The following E2F8 variants were observed in gnomAD, a reference collection of about 807,000 sequenced individuals.
E2F8 encodes E2F transcription factor 8.
Under a neutral mutation model 80.8 loss-of-function variants are expected in E2F8, and 35 were observed. The ratio of observed to expected loss-of-function variants is 0.43; its 90% CI spans 0.33 to 0.57. The LOEUF is 0.57. Ranked by LOEUF, E2F8 falls within the 20% of genes least tolerant of loss-of-function variation. The pLI, the probability that E2F8 is intolerant of heterozygous loss-of-function variation, is 0.04. For synonymous variants in E2F8, 386 were observed against 395.0 expected (o/e 0.98, Z 0.27); for missense variants, 975 against 1,056.2 (o/e 0.92, Z 1.07).
chr11:19,224,674 G>T lies in E2F8; in HGVS notation c.2588C>A (p.Thr863Lys). 6.2e-7 allele frequency: 1 copy of T among 1,614,172 alleles called. No homozygotes were observed. Among genetic ancestry groups the T allele is most frequent in the Non-Finnish European group, 8.5e-7 (1 of 1,180,018 alleles). Residue 863 changes from threonine (T) to lysine (K), a missense_variant, in exon 13 of 13, where the codon ACA becomes AAA. By Grantham distance (78) the Thr-to-Lys change is moderately conservative. Transcript: ENST00000250024. Reference protein sequence around the residue: ...FVPQRKLEVSTEDVH With the variant: ...FVPQRKLEVSKEDVH ...ATCTGTTGATTAATGGACATCCTCT[G>T]TTGAGACTTCCAGTTTTCGCTGTGG...
At position 19,224,763 on chromosome 11, in the gene E2F8, T is replaced by C. The variant is rs940607456; in HGVS notation, c.2499A>G (p.Pro833=). ...FFRTPGGPTK[P]TSSSCMDFEG... ...CAAAATCCATGCAGGATGAGCTGGTTGGCTTGGTGGGTCCACCTGGGGTAC... is the reference window on the plus strand; with the variant it reads ...CAAAATCCATGCAGGATGAGCTGGTCGGCTTGGTGGGTCCACCTGGGGTAC... The change falls in exon 13 of 13, where the codon CCA becomes CCG. Residue 833 remains proline, a synonymous_variant. Coordinates refer to ENST00000250024, the MANE Select transcript of E2F8 (RefSeq NM_024680.4). The C allele has an allele frequency of 9.3e-6, 15 of 1,614,088 alleles. No individual in the cohort carries two copies. The highest frequency in any genetic ancestry group is 1.3e-5 in the Non-Finnish European group (15 of 1,180,042).
At chr11:19,238,763 A>T (rs1851588263) in intron 2 of E2F8, among the ~76,000 whole-genome samples, 1 of 152,240 alleles carries the variant, frequency 6.6e-6, no homozygotes, top group Non-Finnish European at 1.5e-5. Flanking sequence ...TGCTCTTTGA[A>T]CATCCACTCC....
In E2F8 at chr11:19,234,850, A is replaced by G. The variant is rs769421793; in HGVS notation, c.660T>C (p.Phe220=). Residue 220 remains phenylalanine (F), a synonymous_variant, in exon 5 of 13, where the codon TTT becomes TTC. Coordinates refer to ENST00000250024, the MANE Select transcript of E2F8 (RefSeq NM_024680.4). The part of the protein sequence containing the change: ...KKKEYEQEFD[F]IKSYSIEDHI... ...GATCCTCTATACTGTAACTCTTAAT[A>G]AAGTCAAACTCTTGCTCATATTCTT... The G allele has an allele frequency of 1.2e-6, 2 of 1,614,226 alleles. No individual in the cohort carries two copies. Among genetic ancestry groups the G allele is most frequent in the Non-Finnish European group, 1.7e-6 (2 of 1,180,048 alleles).
chr11:19,240,309 G>C, intron 1 of E2F8, 79 bp from the exon 2 acceptor site: 1 of 375,580 alleles, frequency 2.7e-6, no homozygotes, highest in African/African-American at 2.1e-5. Context: ...TCACGGACAA[G>C]AGGCTACGGA....
intron 2 of E2F8, 81 bp downstream of exon 2, chr11:19,240,026 G>C: frequency 8.4e-7 from 1 of 1,192,502 alleles, no homozygotes; most frequent in Non-Finnish European, 1.1e-6. Flanking sequence ...AAAACACATT[G>C]GATAGGGAAA....
intron 6 of E2F8, among the ~76,000 whole-genome samples, chr11:19,233,857 G>A (rs142577138): frequency 1.3e-5 from 2 of 151,672 alleles, no homozygotes; most frequent in African/African-American, 4.8e-5. Context: ...AGTGATACTT[G>A]GCCAGGCGCA....
At chr11:19,240,407 G>A in intron 1 of E2F8, 141 bp downstream of exon 1, 1 of 233,894 alleles carries the variant, frequency 4.3e-6, no homozygotes. Context: ...GCCAACAAAT[G>A]CCAGTAAATT....
intron 7 of E2F8, among the ~76,000 whole-genome samples, chr11:19,231,245 A>G (rs1303204349): frequency 4.6e-5 from 7 of 152,180 alleles, no homozygotes; most frequent in Non-Finnish European, 1.5e-5. Flanking sequence ...TCTGACCCAC[A>G]CAGACATTAA....
chr11:19,225,900 A>G, intron 10 of E2F8, 36 bp from the exon 11 acceptor site: 1 of 1,593,756 alleles, frequency 6.3e-7, no homozygotes, highest in East Asian at 2.2e-5. Flanking sequence ...TTTTACACAC[A>G]AATACAGGAA....
chr11:19,236,346 A>AT (rs1191743252), intron 4 of E2F8, among the ~76,000 whole-genome samples: 2 of 151,930 alleles, frequency 1.3e-5, no homozygotes, highest in African/African-American at 4.8e-5. Flanking sequence ...TCTACAATTT[A>AT]TTTTTTCCAC....
At position 19,224,259 on chromosome 11, in the gene E2F8, T is replaced by G. The variant is rs1344523126; in HGVS notation, c.*399A>C. On this transcript the variant is annotated 3_prime_UTR_variant, in exon 13 of 13. Transcript: ENST00000250024. Reference sequence around the variant, plus strand: ...ACATTATACATCACACAGCATTTTCTTTGTGCAAAATGTTTAAGGGAATGC... The same window carrying G: ...ACATTATACATCACACAGCATTTTCGTTGTGCAAAATGTTTAAGGGAATGC... 1 of 155,722 alleles carries G rather than the reference T, an allele frequency of 6.4e-6. No homozygotes were observed. Among genetic ancestry groups the G allele is most frequent in the African/African-American group, 2.4e-5 (1 of 41,562 alleles). The allele number at this position is 155,722 out of a possible 1,614,324, so 9.6% of individuals were successfully genotyped here.
rs200475963 is a variant in E2F8 at position 19,224,493 on chromosome 11, G to GTA, written c.*164_*165insTA. On this transcript the variant is annotated 3_prime_UTR_variant, in exon 13 of 13. Transcript: ENST00000250024. ...TATGTGTGTGTGTGTGTGTGTGTGT[G>GTA]TGTGTATATATATATATGTATGAAA... The GTA allele has an allele frequency of 1.3e-3, 664 of 502,258 alleles. 1 individual carries two copies. Among genetic ancestry groups the GTA allele is most frequent in the Non-Finnish European group, 1.7e-3 (476 of 286,004 alleles). The allele number at this position is 502,258 out of a possible 1,614,324, so 31.1% of individuals were successfully genotyped here.
rs3740965 is a variant in E2F8 at position 19,225,551 on chromosome 11, C to T, written c.2091G>A (p.Pro697=). ...AAGTTGGTGAGACCATTAGCTTCAA[C>T]GGTGTTACATGAAAAGAGGGAAAAT... ...AVNFPSFHVT[P]LKLMVSPTSV... is the part of the protein sequence containing the mutation. The change falls in exon 12 of 13, where the codon CCG becomes CCA. Residue 697 remains proline, a synonymous_variant. Transcript: ENST00000250024. The T allele has an allele frequency of 4.5e-4, 728 of 1,614,030 alleles. 1 individual carries two copies. In the East Asian group the frequency reaches 7.1e-3, roughly 16 times the overall value.
Position 19,229,508 on chromosome 11 carries a change from A to G in E2F8, c.1839T>C (p.Ser613=), listed in dbSNP as rs1851315192. Reference sequence around the variant, plus strand: ...CCTCTTTAAATTTCTTTTTGGAACCACTGTCCTCGAGCATGCTTGCCCTCT... The same window carrying G: ...CCTCTTTAAATTTCTTTTTGGAACCGCTGTCCTCGAGCATGCTTGCCCTCT... ...GSKRASMLED[S]GSKKKFKEDL... is the part of the protein sequence containing the mutation. The change falls in exon 10 of 13, where the codon AGT becomes AGC. Residue 613 remains serine (S), a synonymous_variant. Coordinates refer to ENST00000250024, the MANE Select transcript of E2F8 (RefSeq NM_024680.4). This position sits in a 1 kb window ranked among gnomAD's most constrained non-coding sequence, Gnocchi z 4.3. 6.2e-7 allele frequency: 1 copy of G among 1,614,028 alleles called. No homozygotes were observed. Among genetic ancestry groups the G allele is most frequent in the African/African-American group, 1.3e-5 (1 of 74,930 alleles).
Position 19,229,895 on chromosome 11 carries a change from C to T in E2F8, c.1452G>A (p.Glu484=), listed in dbSNP as rs1402801879. ...PLDPPVNAEM[E]LTAPSLIQPL... ...GCTGGATGAGGGACGGTGCTGTCAG[C>T]TCCATCTCAGCATTCACTGGGGGGT... The change falls in exon 10 of 13, where the codon GAG becomes GAA. Residue 484 remains glutamate, a synonymous_variant. Transcript: ENST00000250024. The surrounding 1 kb of genome is among the most constrained non-coding windows in gnomAD (Gnocchi z 4.3). The T allele has an allele frequency of 2.5e-6, 4 of 1,613,936 alleles. No homozygotes were observed. The highest frequency in any genetic ancestry group is 1.3e-5 in the African/African-American group (1 of 74,902).
At chr11:19,237,725 C>T in intron 3 of E2F8, 129 bp downstream of exon 3, 1 of 1,266,672 alleles carries the variant, frequency 7.9e-7, no homozygotes, top group Non-Finnish European at 1.1e-6. Flanking sequence ...CTTTCTGGTG[C>T]TCCGAAGGAA....
chr11:19,225,288 T>C lies in E2F8; in HGVS notation c.2354A>G (p.Tyr785Cys), dbSNP rs145907915. 6 of 1,614,160 alleles carry C rather than the reference T, an allele frequency of 3.7e-6. No homozygotes were observed. Among genetic ancestry groups the C allele is most frequent in the Non-Finnish European group, 5.1e-6 (6 of 1,180,036 alleles). Residue 785 changes from tyrosine (Y) to cysteine (C), a missense_variant, in exon 12 of 13, where the codon TAT (tyrosine) becomes TGT (cysteine). Transcript: ENST00000250024. ...GCTCTGGCCTGGGACTGGTGAGTCA[T>C]AGTTGGTGGCCCTTCCTTGCTGAGT... is the stretch of plus-strand genomic sequence containing the variant. ...AGTQQGRATN[Y>C]DSPVPGQSQP...
chr11:19,237,703 T>A, intron 3 of E2F8, 151 bp downstream of exon 3: 1 of 1,130,662 alleles, frequency 8.8e-7, no homozygotes, highest in South Asian at 1.6e-5. Flanking sequence ...CTATATTTCT[T>A]GGGGTCCAAA....
chr11:19,237,552 A>G, intron 3 of E2F8, 82 bp from the exon 4 acceptor site: 1 of 1,383,666 alleles, frequency 7.2e-7, no homozygotes, highest in South Asian at 1.4e-5. Context: ...TCGATGACTG[A>G]CACCAACTTA....
Sources: allele counts gnomAD v4.1 joint callset (sites outside exome capture counted in the v4.1 genomes callset), GRCh38; gene constraint gnomAD v4.1.1; non-coding constraint Gnocchi (gnomAD v3.1); transcripts MANE v1.5; gene names NCBI Gene and HGNC (gene_info 2026-07-23, HGNC 2026-07-21).